The following BTBD9 variants were observed in gnomAD, a reference collection of about 807,000 sequenced individuals.
BTBD9 encodes BTB domain containing 9.
A neutral mutation model predicts 64.3 loss-of-function variants in BTBD9; 49 were observed. That is an observed-to-expected ratio of 0.76 (90% CI 0.61 to 0.97). The LOEUF is 0.97. Among genes scored for constraint, BTBD9 ranks in the 50% least tolerant of loss-of-function variants. The pLI, the probability that BTBD9 is intolerant of heterozygous loss-of-function variation, is 0.00. For missense variants in BTBD9, 598 were observed against 762.1 expected (o/e 0.78, Z 2.53); for synonymous variants, 260 against 274.7 (o/e 0.95, Z 0.53).
chr6:38,474,340 T>A (rs916723809), intron 6 of BTBD9, among the ~76,000 whole-genome samples: 2 of 152,030 alleles, frequency 1.3e-5, no homozygotes, highest in Admixed American at 6.6e-5. Flanking sequence ...TCGGCTAATA[T>A]GGTGAAATTC....
At chr6:38,277,536 G>A (rs1761325987) in intron 8 of BTBD9, among the ~76,000 whole-genome samples, 1 of 152,028 alleles carries the variant, frequency 6.6e-6, no homozygotes, top group Non-Finnish European at 1.5e-5. Flanking sequence ...GTTTCATCAT[G>A]TTGGCCAGGC....
chr6:38,217,765 C>T (rs1763060828), intron 9 of BTBD9, among the ~76,000 whole-genome samples: 1 of 151,414 alleles, frequency 6.6e-6, no homozygotes, highest in Non-Finnish European at 1.5e-5. Context: ...TCACTGGCCG[C>T]ATGGCCTTGG....
chr6:38,437,016 C>T (rs1768774712), intron 6 of BTBD9, among the ~76,000 whole-genome samples: 1 of 152,204 alleles, frequency 6.6e-6, no homozygotes, highest in Non-Finnish European at 1.5e-5. Context: ...TTCCCTTATC[C>T]TCCTAATGTT....
chr6:38,374,298 T>TAC (rs1562095358), intron 6 of BTBD9, among the ~76,000 whole-genome samples: 1 of 50,828 alleles, frequency 2.0e-5, no homozygotes, highest in African/African-American at 2.0e-4. Flanking sequence ...TATATATATG[T>TAC]ATATATATGT....
intron 7 of BTBD9, among the ~76,000 whole-genome samples, chr6:38,303,891 G>GTATATATATACGTGTATATATGTGTA (rs1762516229): frequency 9.4e-6 from 1 of 106,194 alleles, no homozygotes; most frequent in Non-Finnish European, 2.2e-5. Context: ...ACACACATGT[G>GTATATATATACGTGTATATATGTGTA]TATATATATA....
intron 6 of BTBD9, among the ~76,000 whole-genome samples, chr6:38,533,049 T>C (rs1773866105): frequency 6.6e-6 from 1 of 151,838 alleles, no homozygotes; most frequent in Non-Finnish European, 1.5e-5. Context: ...TTACCAATGA[T>C]AACAGTGAAT....
chr6:38,388,986 C>A (rs1766297606), intron 6 of BTBD9, among the ~76,000 whole-genome samples: 1 of 152,012 alleles, frequency 6.6e-6, no homozygotes, highest in African/African-American at 2.4e-5. Flanking sequence ...GGGAAAATGA[C>A]AACAGGACAA....
intron 10 of BTBD9, among the ~76,000 whole-genome samples, chr6:38,185,609 T>C (rs2127478883): frequency 6.6e-6 from 1 of 152,314 alleles, no homozygotes; most frequent in African/African-American, 2.4e-5. Flanking sequence ...CTGCCAAAAC[T>C]GTATGCTATA....
At chr6:38,253,755 A>T (rs946656055) in intron 9 of BTBD9, among the ~76,000 whole-genome samples, 5 of 152,114 alleles carry the variant, frequency 3.3e-5, no homozygotes, top group African/African-American at 9.7e-5. Context: ...CGTATTGTAT[A>T]AAAAGGGTTC....
chr6:38,503,345 T>C (rs76497812), intron 6 of BTBD9, among the ~76,000 whole-genome samples: 1 of 152,206 alleles, frequency 6.6e-6, no homozygotes, highest in African/African-American at 2.4e-5. Flanking sequence ...CCCAGGCTAA[T>C]CTCTCCACCA....
chr6:38,290,866 C>T (rs770692181), intron 7 of BTBD9, among the ~76,000 whole-genome samples: 5 of 152,180 alleles, frequency 3.3e-5, no homozygotes, highest in Admixed American at 1.3e-4. Context: ...CTACTACAAA[C>T]ATTAAGCCTG....
intron 1 of BTBD9, among the ~76,000 whole-genome samples, chr6:38,605,162 T>C (rs1170170552): frequency 1.3e-5 from 2 of 152,018 alleles, no homozygotes; most frequent in African/African-American, 2.4e-5. Flanking sequence ...TTCTCCTGCC[T>C]CAGCCTCCCG....
chr6:38,420,579 CGG>C (rs1282002938), intron 6 of BTBD9, among the ~76,000 whole-genome samples: 2 of 151,986 alleles, frequency 1.3e-5, no homozygotes, highest in Admixed American at 6.6e-5. Context: ...CATCCTAGGC[CGG>C]GCACAGTGGC....
At chr6:38,514,382 A>AGGC in intron 6 of BTBD9, among the ~76,000 whole-genome samples, 1 of 152,334 alleles carries the variant, frequency 6.6e-6, no homozygotes, top group Middle Eastern at 3.4e-3. Flanking sequence ...CATTTCTAAT[A>AGGC]AAGAGCTGTA....
At chr6:38,286,182 T>C (rs1169588654) in intron 8 of BTBD9, among the ~76,000 whole-genome samples, 1 of 152,208 alleles carries the variant, frequency 6.6e-6, no homozygotes, top group Non-Finnish European at 1.5e-5. Context: ...CAGCCTGTAA[T>C]GTGGCCCTTT....
At chr6:38,556,544 TGTGTGTGA>T (rs1312866657) in intron 6 of BTBD9, among the ~76,000 whole-genome samples, 1,613 of 63,178 alleles carry the variant, frequency 0.026, 16 homozygotes, top group African/African-American at 0.1. Flanking sequence ...TGTGTGTGTG[TGTGTGTGA>T]GAGAGAGAGA....
intron 7 of BTBD9, among the ~76,000 whole-genome samples, chr6:38,291,905 T>C (rs1206860903): frequency 9.2e-5 from 14 of 152,130 alleles, no homozygotes; most frequent in East Asian, 1.9e-4. Flanking sequence ...CAGTATTTTA[T>C]TGAGGATTTT....
intron 6 of BTBD9, among the ~76,000 whole-genome samples, chr6:38,503,782 G>C (rs954700186): frequency 6.6e-6 from 1 of 152,080 alleles, no homozygotes; most frequent in East Asian, 1.9e-4. Context: ...TGGCCTCCCA[G>C]GTCCTTCATT....
chr6:38,615,653 C>A (rs545598879), intron 1 of BTBD9, among the ~76,000 whole-genome samples: 1 of 152,214 alleles, frequency 6.6e-6, no homozygotes. Context: ...CCTACTACCC[C>A]CTTCACTCCC....
Sources: allele counts gnomAD v4.1 joint callset (sites outside exome capture counted in the v4.1 genomes callset), GRCh38; gene constraint gnomAD v4.1.1; transcripts MANE v1.5; gene names NCBI Gene and HGNC (gene_info 2026-07-23, HGNC 2026-07-21).